The following TBX5 variants were observed in gnomAD, a reference collection of about 807,000 sequenced individuals.
TBX5 encodes the protein T-box transcription factor 5.
Under a neutral mutation model 51.1 loss-of-function variants are expected in TBX5, and 8 were observed. The observed-to-expected ratio is 0.16, with a 90% CI of 0.09 to 0.28. The LOEUF (loss-of-function observed/expected upper bound fraction) is 0.28, where lower values mean the gene tolerates loss of function less well. Among genes scored for constraint, TBX5 ranks in the 10% least tolerant of loss-of-function variants. The pLI is 1.00. For missense variants in TBX5, 589 were observed against 671.7 expected (o/e 0.88, Z 1.36); for synonymous variants, 302 against 266.4 (o/e 1.13, Z -1.30).
chr12:114,388,338 AGCAGAGAAGG>A (rs1870939541), intron 6 of TBX5, among the ~76,000 whole-genome samples: 1 of 151,914 alleles, frequency 6.6e-6, no homozygotes, highest in African/African-American at 2.4e-5. Context: ...TTGTAGTTTT[AGCAGAGAAGG>A]GTTTTAACAT....
At chr12:114,373,968 G>A (rs1870061254) in intron 7 of TBX5, among the ~76,000 whole-genome samples, 1 of 152,212 alleles carries the variant, frequency 6.6e-6, no homozygotes, top group South Asian at 2.1e-4. Context: ...CTGGAAGCTG[G>A]AATGCTACAG....
At chr12:114,402,019 G>T in intron 2 of TBX5, 99 bp from the exon 3 acceptor site, 2 of 1,064,090 alleles carry the variant, frequency 1.9e-6, no homozygotes, top group South Asian at 1.3e-5. Context: ...CCTCCTTCCC[G>T]CTGGAGCCTG....
At chr12:114,366,466 G>T in intron 7 of TBX5, 75 bp from the exon 8 acceptor site, 2 of 1,437,892 alleles carry the variant, frequency 1.4e-6, no homozygotes, top group Non-Finnish European at 2.0e-6. Context: ...AACCAGGTGT[G>T]AGAGAATCCA....
chr12:114,394,213 G>A (rs1201081481), intron 6 of TBX5, among the ~76,000 whole-genome samples: 2 of 152,178 alleles, frequency 1.3e-5, no homozygotes, highest in Admixed American at 1.3e-4. Flanking sequence ...TACTCCAGAG[G>A]CTGAGGCAAG....
At chr12:114,401,577 A>C (rs568393225) in intron 3 of TBX5, among the ~76,000 whole-genome samples, 1 of 152,226 alleles carries the variant, frequency 6.6e-6, no homozygotes, top group East Asian at 1.9e-4. Flanking sequence ...AGAAATGCCC[A>C]GTTTCCGGGC....
chr12:114,407,007 C>A, upstream of TBX5: 2 of 972,538 alleles, frequency 2.1e-6, no homozygotes, highest in South Asian at 4.8e-5. Context: ...TCCTGTACCC[C>A]CATCATACTG....
intron 7 of TBX5, among the ~76,000 whole-genome samples, chr12:114,369,800 G>A (rs1190084846): frequency 3.3e-5 from 5 of 152,024 alleles, no homozygotes; most frequent in Admixed American, 1.3e-4. Flanking sequence ...AAAGGAGCCT[G>A]CTCTTTTTTT....
chr12:114,389,525 C>A (rs1378151854), intron 6 of TBX5, among the ~76,000 whole-genome samples: 1 of 150,440 alleles, frequency 6.6e-6, no homozygotes, highest in East Asian at 2.0e-4. Flanking sequence ...GAGGCAGAGG[C>A]GGGCGGATCA....
At chr12:114,395,778 C>T (rs1351604628) in intron 5 of TBX5, among the ~76,000 whole-genome samples, 1 of 152,248 alleles carries the variant, frequency 6.6e-6, no homozygotes, top group East Asian at 1.9e-4. Flanking sequence ...AAGAGGGGTC[C>T]TAACTGCTGT....
At chr12:114,362,584 C>T (rs77435463) in intron 8 of TBX5, among the ~76,000 whole-genome samples, 2,766 of 152,318 alleles carry the variant, frequency 0.018, 73 homozygotes, top group African/African-American at 0.062. Context: ...TCCCTGATTG[C>T]CTACCCTAGA....
chr12:114,381,458 A>G (rs1247327727), intron 7 of TBX5, among the ~76,000 whole-genome samples: 1 of 152,170 alleles, frequency 6.6e-6, no homozygotes, highest in Non-Finnish European at 1.5e-5. Context: ...GGGGGTTGGG[A>G]GAATGACCCA....
chr12:114,383,239 G>C (rs1870612046), intron 7 of TBX5, among the ~76,000 whole-genome samples: 1 of 152,160 alleles, frequency 6.6e-6, no homozygotes, highest in African/African-American at 2.4e-5. Flanking sequence ...GCCAGGGAAA[G>C]CTTCTTGAAG....
chr12:114,379,016 G>C (rs545591111), intron 7 of TBX5, among the ~76,000 whole-genome samples: 2 of 152,152 alleles, frequency 1.3e-5, no homozygotes, highest in African/African-American at 4.8e-5. Flanking sequence ...AAGCTAGAGA[G>C]GCCACATTCT....
In TBX5 at chr12:114,403,911, GCCCTGT is replaced by G. The variant is rs762161797; in HGVS notation, c.-19_-14del. On this transcript the variant is annotated 5_prime_UTR_variant, in exon 2 of 9. Coordinates refer to ENST00000405440, the MANE Select transcript of TBX5 (RefSeq NM_181486.4). ...CTGCGTCGGCCATGGTGCGCCCAGG[GCCCTGT>G]GCCCGCGCAAGGTTCTGCTCTGAGG... 17 of 1,609,818 alleles carry G rather than the reference GCCCTGT, an allele frequency of 1.1e-5. No homozygotes were observed. The highest frequency in any genetic ancestry group is 1.4e-5 in the Non-Finnish European group (17 of 1,179,724).
intron 5 of TBX5, among the ~76,000 whole-genome samples, chr12:114,396,955 C>A (rs1409094757): frequency 1.3e-5 from 2 of 152,162 alleles, no homozygotes; most frequent in Non-Finnish European, 1.5e-5. Context: ...GCCTTCCGAG[C>A]GCTCCAAGCA....
intron 7 of TBX5, 77 bp from the exon 8 acceptor site, chr12:114,366,468 G>C (rs1280779872): frequency 7.0e-7 from 1 of 1,426,698 alleles, no homozygotes; most frequent in East Asian, 2.3e-5. Flanking sequence ...CCAGGTGTGA[G>C]AGAATCCACC....
At chr12:114,381,399 C>A (rs999042383) in intron 7 of TBX5, among the ~76,000 whole-genome samples, 35 of 152,156 alleles carry the variant, frequency 2.3e-4, no homozygotes, top group African/African-American at 8.2e-4. Flanking sequence ...GTTATCAAGG[C>A]TGACTCTGGA....
chr12:114,387,490 T>C (rs2136400609), intron 6 of TBX5, among the ~76,000 whole-genome samples: 1 of 152,294 alleles, frequency 6.6e-6, no homozygotes, highest in Admixed American at 6.5e-5. Flanking sequence ...AAAAGGTCAG[T>C]GGTGGCCACA....
upstream of TBX5, chr12:114,407,208 G>T (rs12319868): frequency 2.1e-3 from 1,399 of 671,906 alleles, 26 homozygotes; most frequent in African/African-American, 0.025. Flanking sequence ...TGGGGCAACC[G>T]GGGAGAAAGC....
Sources: gnomAD v4.1 joint callset for allele counts (sites outside exome capture counted in the v4.1 genomes callset) on GRCh38, gnomAD v4.1.1 for gene constraint, MANE v1.5 for transcripts, NCBI Gene and HGNC (gene_info 2026-07-23, HGNC 2026-07-21) for gene names.